The following DOT1L variants were observed in gnomAD, a reference collection of about 807,000 sequenced individuals.
The protein encoded by DOT1L is DOT1 like histone lysine methyltransferase, also known as histone-lysine N-methyltransferase, H3 lysine-79 specific.
In DOT1L, 33 loss-of-function variants were observed where a neutral mutation model predicts 153.3. That is an observed-to-expected ratio of 0.22 (90% CI 0.16 to 0.29). The LOEUF (loss-of-function observed/expected upper bound fraction) is 0.29. Ranked by LOEUF, DOT1L falls within the 10% of genes least tolerant of loss-of-function variation. The pLI is 1.00. For synonymous variants in DOT1L, 1,135 were observed against 965.1 expected, an observed-to-expected ratio of 1.18 and a Z score of -3.26; for missense variants, 1,847 against 2,119.9, an observed-to-expected ratio of 0.87 and a Z score of 2.53.
chr19:2,195,774 G>A (rs1362833082), intron 7 of DOT1L, among the ~76,000 whole-genome samples: 2 of 152,212 alleles, frequency 1.3e-5, no homozygotes, highest in Non-Finnish European at 2.9e-5. Flanking sequence ...AGGCCAACTC[G>A]TGATCCCAGG....
At chr19:2,228,711 G>T (rs914916184) in intron 27 of DOT1L, 1 of 985,300 alleles carries the variant, frequency 1.0e-6, no homozygotes, top group Admixed American at 6.1e-5. Flanking sequence ...GGGAGCTCTA[G>T]CTCCTAGAGC....
intron 1 of DOT1L, among the ~76,000 whole-genome samples, chr19:2,167,477 A>G (rs929427501): frequency 2.0e-5 from 3 of 152,074 alleles, no homozygotes; most frequent in African/African-American, 7.2e-5. Flanking sequence ...CGGGCTTTCT[A>G]GTGGTGGGCG....
intron 1 of DOT1L, among the ~76,000 whole-genome samples, chr19:2,172,876 G>C (rs542652171): frequency 6.6e-6 from 1 of 151,688 alleles, no homozygotes; most frequent in East Asian, 1.9e-4. Flanking sequence ...CCTGTTTTAG[G>C]CTGGACGTGA....
In DOT1L at chr19:2,216,145, C is replaced by T. The variant is rs1042294888; in HGVS notation, c.1924-136C>T. On this transcript the variant is annotated intron_variant, in intron 19 of 27. Coordinates refer to ENST00000398665, the MANE Select transcript of DOT1L (RefSeq NM_032482.3). ...CTTCCCGACCCCGCCTCTATGTGGT[C>T]GGCAGCTTTGGTTTTTCCATCCCAC... 2.2e-5 allele frequency: 29 copies of T among 1,312,368 alleles called. No homozygotes were observed. In the African/African-American group the frequency reaches 2.2e-4, roughly 10 times the overall value. The allele number at this position is 1,312,368 out of a possible 1,614,324, so 81.3% of individuals were successfully genotyped here.
In DOT1L at chr19:2,229,807, C is replaced by T. The variant is rs1333961551; in HGVS notation, c.*15C>T. On this transcript the variant is annotated 3_prime_UTR_variant, in exon 28 of 28. Transcript: ENST00000398665. ...CAGGTAACTAGGATTTCTACCTCAA[C>T]CGCGAGACCTATGCAAGGACGGTGT... is the stretch of plus-strand genomic sequence containing the variant. The T allele has an allele frequency of 1.9e-6, 3 of 1,613,260 alleles. No homozygotes were observed. The highest frequency in any genetic ancestry group is 2.2e-5 in the East Asian group (1 of 44,872).
intron 2 of DOT1L, among the ~76,000 whole-genome samples, chr19:2,181,607 C>G (rs2022235047): frequency 6.6e-6 from 1 of 152,156 alleles, no homozygotes; most frequent in Non-Finnish European, 1.5e-5. Flanking sequence ...AGGGTCCGTG[C>G]TTAGAATGTG....
At chr19:2,186,280 C>T (rs531573776) in intron 3 of DOT1L, among the ~76,000 whole-genome samples, 1 of 152,344 alleles carries the variant, frequency 6.6e-6, no homozygotes, top group African/African-American at 2.4e-5. Flanking sequence ...CGGCCTTAGG[C>T]TGCTTGGCAG....
intron 2 of DOT1L, among the ~76,000 whole-genome samples, chr19:2,182,841 C>T (rs958331803): frequency 1.3e-5 from 2 of 152,248 alleles, no homozygotes; most frequent in East Asian, 1.9e-4. Flanking sequence ...CTGCAGGGCT[C>T]GGAGCTGACT....
At chr19:2,188,214 C>T (rs1036389888) in intron 3 of DOT1L, 2 of 152,260 alleles carry the variant, frequency 1.3e-5, no homozygotes, top group African/African-American at 4.8e-5. Context: ...TTAAGGAAAA[C>T]ATGAACTTGG....
intron 27 of DOT1L, chr19:2,228,371 G>A (rs1323581161): frequency 5.4e-6 from 7 of 1,303,338 alleles, no homozygotes; most frequent in South Asian, 2.6e-5. Context: ...CTAGCAGTGC[G>A]TATTGTGTAA....
At chr19:2,174,984 GTGTGTGTGTGTA>G (rs1447523653) in intron 1 of DOT1L, among the ~76,000 whole-genome samples, 4 of 108,096 alleles carry the variant, frequency 3.7e-5, no homozygotes, top group African/African-American at 8.9e-5. Flanking sequence ...GTGTGTGTGT[GTGTGTGTGTGTA>G]TATATATATT....
chr19:2,207,458 AGAG>A lies in DOT1L; in HGVS notation c.857-114_857-112del. On this transcript the variant is annotated intron_variant, in intron 10 of 27. Transcript: ENST00000398665. The surrounding 1 kb of genome is among the most constrained non-coding windows in gnomAD (Gnocchi z 4.5). Reference sequence around the variant, plus strand: ...CTGTGGCCTGACGCAGTGTGGGAGAAGAGGGAAGACGCGCAGCTCAGGCTTCTG... The same window carrying A: ...CTGTGGCCTGACGCAGTGTGGGAGAAGGAAGACGCGCAGCTCAGGCTTCTG... 1.2e-6 allele frequency: 1 copy of A among 826,286 alleles called. No homozygotes were observed. Among genetic ancestry groups the A allele is most frequent in the Non-Finnish European group, 1.9e-6 (1 of 534,618 alleles). 51.2% of individuals were successfully genotyped at this position (826,286 alleles called of 1,614,324 possible).
chr19:2,231,406 G>A lies in DOT1L; in HGVS notation c.*1614G>A. 4.9e-6 allele frequency: 1 copy of A among 204,914 alleles called. No individual in the cohort carries two copies. Among genetic ancestry groups the A allele is most frequent in the Non-Finnish European group, 1.0e-5 (1 of 100,018 alleles). 12.7% of individuals were successfully genotyped at this position (204,914 alleles called of 1,614,324 possible). A position where few individuals can be genotyped will look rare whatever the true frequency, so the allele number is the denominator to read the frequency against. ...CCTCCAAAGGGAGCCACGGAGGAAA[G>A]GCTTCTGTGGTTGCTAGGTGGGGGA... is the stretch of plus-strand genomic sequence containing the variant. On this transcript the variant is annotated 3_prime_UTR_variant, in exon 28 of 28. Coordinates refer to ENST00000398665, the MANE Select transcript of DOT1L (RefSeq NM_032482.3).
rs1161272516 is a variant in DOT1L, at chr19:2,190,508, T to C, written c.265-504T>C. 6.6e-6 allele frequency among the ~76,000 whole-genome samples: 1 copy of C among 152,034 alleles called. No homozygotes were observed. Among genetic ancestry groups the C allele is most frequent in the African/African-American group, 2.4e-5 (1 of 41,410 alleles). On this transcript the variant is annotated intron_variant, in intron 4 of 27. Coordinates refer to ENST00000398665, the MANE Select transcript of DOT1L (RefSeq NM_032482.3). This position sits in a 1 kb window ranked among gnomAD's most constrained non-coding sequence, Gnocchi z 4.8. ...CCTCAACCTCATGCATGCAGCTCTG[T>C]GGGCCCCTGAGAGCTGAGCTGGCCT...
intron 3 of DOT1L, among the ~76,000 whole-genome samples, chr19:2,187,118 C>T: frequency 6.6e-6 from 1 of 152,214 alleles, no homozygotes; most frequent in East Asian, 1.9e-4. Context: ...TTGGGCTTTA[C>T]CTCACCCAGG....
At chr19:2,206,403 C>G (rs1433283463) in intron 9 of DOT1L, among the ~76,000 whole-genome samples, 1 of 150,782 alleles carries the variant, frequency 6.6e-6, no homozygotes, top group Non-Finnish European at 1.5e-5. Context: ...ACTAAAAATC[C>G]AAAAATTAGC....
chr19:2,196,363 T>G lies in DOT1L; in HGVS notation c.651+1786T>G, dbSNP rs2023020660. On this transcript the variant is annotated intron_variant, in intron 7 of 27. Coordinates refer to ENST00000398665, the MANE Select transcript of DOT1L (RefSeq NM_032482.3). ...TTTGTGCATGTGTGAAAGAAAGTCTTGTTCTGTCGCCCAGGCTGGAGGGCA... is the reference window on the plus strand; with the variant it reads ...TTTGTGCATGTGTGAAAGAAAGTCTGGTTCTGTCGCCCAGGCTGGAGGGCA... Among the ~76,000 whole-genome samples the G allele has an allele frequency of 5.3e-5, 8 of 152,338 alleles. No homozygotes were observed. The South Asian group carries it at 1.7e-3, about 32-fold the overall frequency.
chr19:2,223,432 C>T lies in DOT1L; in HGVS notation c.3542C>T (p.Ser1181Phe), dbSNP rs1038361699. 2.3e-5 allele frequency: 37 copies of T among 1,613,368 alleles called. No individual in the cohort carries two copies. The highest frequency in any genetic ancestry group is 3.3e-5 in the Admixed American group (2 of 59,976). Residue 1181 changes from serine to phenylalanine, a missense_variant, in exon 25 of 28, where the codon TCC becomes TTC. By Grantham distance (155) the Ser-to-Phe change is radical. Around this residue, in one of 8 missense-constraint regions of DOT1L, gnomAD observed 934 missense variants for 825.3 expected, o/e 1.13. Coordinates refer to ENST00000398665, the MANE Select transcript of DOT1L (RefSeq NM_032482.3). ...AGCCAGACCAATGGGGCACACTACT[C>T]CCCACTCACCTCAGACGAGGAGCCA... ...PLSQTNGAHY[S>F]PLTSDEEPGS...
intron 27 of DOT1L, chr19:2,228,180 G>A: frequency 1.5e-6 from 2 of 1,362,966 alleles, no homozygotes; most frequent in South Asian, 2.3e-5. Context: ...GCACAAGGGC[G>A]CCCGCCCCTC....
Sources: allele counts gnomAD v4.1 joint callset (sites outside exome capture counted in the v4.1 genomes callset), GRCh38; gene constraint gnomAD v4.1.1; regional missense constraint gnomAD v4.1.1; non-coding constraint Gnocchi (gnomAD v3.1); transcripts MANE v1.5; gene names NCBI Gene and HGNC (gene_info 2026-07-23, HGNC 2026-07-21).